FAM135B: variants seen among roughly 807,000 people sequenced by gnomAD.
The protein encoded by FAM135B is protein FAM135B.
Under a neutral mutation model 127.7 loss-of-function variants are expected in FAM135B, and 43 were observed. That is an observed-to-expected ratio of 0.34 (90% confidence interval 0.26 to 0.43). The LOEUF is 0.43. FAM135B is among the 20% of genes least tolerant of loss of function. The pLI, the probability that FAM135B is intolerant of heterozygous loss-of-function variation, is 1.00. For synonymous variants in FAM135B, 670 were observed against 665.1 expected, an observed-to-expected ratio of 1.01 and a Z score of -0.11; for missense variants, 1,558 against 1,725.6, an observed-to-expected ratio of 0.90 and a Z score of 1.72.
At chr8:138,327,692 T>C (rs577966800) in intron 2 of FAM135B, among the ~76,000 whole-genome samples, 3 of 152,204 alleles carry the variant, frequency 2.0e-5, no homozygotes, top group Non-Finnish European at 4.4e-5. Context: ...GAAGGAATGA[T>C]GGACTAGTCC....
intron 5 of FAM135B, among the ~76,000 whole-genome samples, chr8:138,253,791 C>G (rs922806028): frequency 6.6e-6 from 1 of 152,166 alleles, no homozygotes; most frequent in African/African-American, 2.4e-5. Context: ...TTGTTCCCAC[C>G]CAGACTTACC....
intron 12 of FAM135B, among the ~76,000 whole-genome samples, chr8:138,159,578 G>A (rs1017909987): frequency 7.1e-6 from 1 of 141,196 alleles, no homozygotes; most frequent in African/African-American, 2.6e-5. Flanking sequence ...CACAGGGTGG[G>A]TAGCACCACA....
intron 1 of FAM135B, among the ~76,000 whole-genome samples, chr8:138,452,228 C>G (rs1369086713): frequency 6.7e-6 from 1 of 149,324 alleles, no homozygotes; most frequent in African/African-American, 2.5e-5. Context: ...CTCCCAGACT[C>G]AAGGAATCCT....
intron 1 of FAM135B, among the ~76,000 whole-genome samples, chr8:138,412,500 C>A (rs778987765): frequency 8.5e-5 from 13 of 152,196 alleles, no homozygotes; most frequent in Non-Finnish European, 1.8e-4. Flanking sequence ...TGGGACTCAC[C>A]TGGCTCCGAA....
At chr8:138,213,507 C>CT (rs142780602) in intron 7 of FAM135B, among the ~76,000 whole-genome samples, 32,966 of 139,540 alleles carry the variant, frequency 0.24, 3,871 homozygotes, top group East Asian at 0.39. Context: ...TATGTAATTT[C>CT]TTTTTTTTTT....
intron 1 of FAM135B, among the ~76,000 whole-genome samples, chr8:138,425,998 T>TATATATATAC (rs1834835030): frequency 3.3e-4 from 5 of 14,954 alleles, no homozygotes; most frequent in African/African-American, 3.3e-3. Context: ...TATATATATA[T>TATATATATAC]ATATATATAT....
At chr8:138,250,641 C>A (rs758182061) in intron 6 of FAM135B, among the ~76,000 whole-genome samples, 200 bp downstream of exon 6, 1 of 152,094 alleles carries the variant, frequency 6.6e-6, no homozygotes, top group Admixed American at 6.5e-5. Context: ...TTTTCGACTT[C>A]CGGGTTCCAC....
At chr8:138,363,580 G>A (rs768770959) in intron 2 of FAM135B, among the ~76,000 whole-genome samples, 1 of 152,102 alleles carries the variant, frequency 6.6e-6, no homozygotes, top group African/African-American at 2.4e-5. Flanking sequence ...TTGAGAATTT[G>A]TGTCAGTCCA....
At chr8:138,470,832 G>C (rs754867885) in intron 1 of FAM135B, among the ~76,000 whole-genome samples, 1 of 152,018 alleles carries the variant, frequency 6.6e-6, no homozygotes, top group African/African-American at 2.4e-5. Context: ...GACAGGCAAG[G>C]GTACTGAAAT....
At chr8:138,144,001 A>C (rs1817439314) in intron 15 of FAM135B, among the ~76,000 whole-genome samples, 1 of 152,236 alleles carries the variant, frequency 6.6e-6, no homozygotes, top group Non-Finnish European at 1.5e-5. Flanking sequence ...CTGGAACAAG[A>C]GAGAACCATA....
chr8:138,253,612 T>C (rs558702053), intron 5 of FAM135B, among the ~76,000 whole-genome samples: 3 of 152,128 alleles, frequency 2.0e-5, no homozygotes, highest in African/African-American at 4.8e-5. Context: ...TTATTGTTGC[T>C]CACATCTCCC....
chr8:138,200,369 C>G (rs1320206066), intron 7 of FAM135B, among the ~76,000 whole-genome samples: 1 of 152,154 alleles, frequency 6.6e-6, no homozygotes, highest in Non-Finnish European at 1.5e-5. Flanking sequence ...TACAGAGAAG[C>G]CAGTATGGCT....
intron 1 of FAM135B, among the ~76,000 whole-genome samples, chr8:138,455,250 A>G (rs1836711260): frequency 6.6e-6 from 1 of 152,222 alleles, no homozygotes; most frequent in Non-Finnish European, 1.5e-5. Context: ...CTGTTTACTC[A>G]GCAAATTCTC....
intron 1 of FAM135B, among the ~76,000 whole-genome samples, chr8:138,473,449 T>G (rs1438024514): frequency 2.0e-5 from 3 of 152,122 alleles, no homozygotes; most frequent in Non-Finnish European, 4.4e-5. Context: ...ATCCTACTCC[T>G]TCCCACATAG....
intron 1 of FAM135B, among the ~76,000 whole-genome samples, chr8:138,432,812 A>G (rs888014851): frequency 1.3e-5 from 2 of 152,128 alleles, no homozygotes; most frequent in Admixed American, 6.5e-5. Context: ...ATGAATATAC[A>G]TCAAATTAGA....
chr8:138,299,105 AAAT>A (rs1554658642), intron 3 of FAM135B, among the ~76,000 whole-genome samples: 27 of 144,190 alleles, frequency 1.9e-4, no homozygotes, highest in Admixed American at 6.9e-4. Context: ...ATAAATAAAT[AAAT>A]AAAATAAAAA....
At chr8:138,164,497 A>T (rs896741601) in intron 12 of FAM135B, among the ~76,000 whole-genome samples, 7 of 152,356 alleles carry the variant, frequency 4.6e-5, no homozygotes, top group Middle Eastern at 3.4e-3. Flanking sequence ...TAAAGGGAAA[A>T]GCCAAGCTGG....
intron 1 of FAM135B, among the ~76,000 whole-genome samples, chr8:138,445,823 G>T (rs906029241): frequency 1.3e-5 from 2 of 152,136 alleles, no homozygotes; most frequent in Non-Finnish European, 2.9e-5. Context: ...GCAGGAGAAA[G>T]AAATAAAGGG....
intron 1 of FAM135B, among the ~76,000 whole-genome samples, chr8:138,378,389 C>A (rs1831622042): frequency 6.6e-6 from 1 of 152,228 alleles, no homozygotes; most frequent in Non-Finnish European, 1.5e-5. Context: ...AATTTAATCT[C>A]TCTGTGCCTC....
Sources: gnomAD v4.1 joint callset for allele counts (sites outside exome capture counted in the v4.1 genomes callset) on GRCh38, gnomAD v4.1.1 for gene constraint, MANE v1.5 for transcripts, NCBI Gene and HGNC (gene_info 2026-07-23, HGNC 2026-07-21) for gene names.